The following ACTN1 variants were observed in gnomAD, a reference collection of about 807,000 sequenced individuals.
ACTN1 encodes actinin alpha 1.
A neutral mutation model predicts 119.6 loss-of-function variants in ACTN1; 30 were observed. That is an observed-to-expected ratio of 0.25 (90% CI 0.19 to 0.34). The LOEUF is 0.34. ACTN1 is among the 10% of genes least tolerant of loss of function. The pLI is 1.00. For missense variants in ACTN1, 764 were observed against 1,223.4 expected, an observed-to-expected ratio of 0.62 and a Z score of 5.60; for synonymous variants, 429 against 472.6, an observed-to-expected ratio of 0.91 and a Z score of 1.20.
intron 1 of ACTN1, among the ~76,000 whole-genome samples, chr14:68,973,619 G>A (rs1009737596): frequency 2.6e-5 from 4 of 152,182 alleles, no homozygotes; most frequent in African/African-American, 9.7e-5. Flanking sequence ...CAGAAACCTT[G>A]GTCATGCATG....
At chr14:68,932,239 A>G (rs1318056069) in intron 1 of ACTN1, among the ~76,000 whole-genome samples, 1 of 151,612 alleles carries the variant, frequency 6.6e-6, no homozygotes, top group Non-Finnish European at 1.5e-5. Context: ...CCAGAATAAA[A>G]GCAAGCAGAA....
At chr14:68,959,784 A>G (rs927068537) in intron 1 of ACTN1, among the ~76,000 whole-genome samples, 2 of 152,196 alleles carry the variant, frequency 1.3e-5, no homozygotes, top group Non-Finnish European at 2.9e-5. Context: ...TATTTCTAAT[A>G]ATCCTACAGT....
At chr14:68,932,168 C>T (rs1484682655) in intron 1 of ACTN1, among the ~76,000 whole-genome samples, 2 of 151,794 alleles carry the variant, frequency 1.3e-5, no homozygotes, top group Non-Finnish European at 2.9e-5. Flanking sequence ...AATCAGTGGA[C>T]TGGGAAAGGC....
chr14:68,879,060 C>T lies in ACTN1; in HGVS notation c.2290G>A (p.Gly764Ser), dbSNP rs1471335464. 8 of 1,608,966 alleles carry T rather than the reference C, an allele frequency of 5.0e-6. No homozygotes were observed. The highest frequency in any genetic ancestry group is 1.3e-5 in the African/African-American group (1 of 74,622). ...TTGAACTCCTCGGGACCCAGTGTGCCGGAGTGATCCTGGGGCCGCGGTGCG... is the reference window on the plus strand; with the variant it reads ...TTGAACTCCTCGGGACCCAGTGTGCTGGAGTGATCCTGGGGCCGCGGTGCG... ...SFNHFDRDHS[G>S]TLGPEEFKAC... Residue 764 changes from glycine to serine, a missense_variant, in exon 19 of 22, where the codon GGC becomes AGC. Physicochemically the swap from Gly to Ser is moderately conservative, Grantham distance 56. Coordinates refer to ENST00000394419, the MANE Select transcript of ACTN1 (RefSeq NM_001130004.2). This position sits in a 1 kb window ranked among gnomAD's most constrained non-coding sequence, Gnocchi z 4.9.
chr14:68,934,087 G>A (rs866055035), intron 1 of ACTN1, among the ~76,000 whole-genome samples: 1 of 152,178 alleles, frequency 6.6e-6, no homozygotes, highest in Non-Finnish European at 1.5e-5. Context: ...AATGTCAGCA[G>A]GCTAAATGTG....
intron 1 of ACTN1, among the ~76,000 whole-genome samples, chr14:68,969,358 C>A (rs1257488771): frequency 6.6e-6 from 1 of 152,204 alleles, no homozygotes. Flanking sequence ...CATTTCCCTG[C>A]CTCCAGGAAA....
chr14:68,908,407 A>AC (rs1373537396), intron 6 of ACTN1, among the ~76,000 whole-genome samples: 5 of 152,124 alleles, frequency 3.3e-5, no homozygotes, highest in African/African-American at 1.2e-4. Context: ...CAAGAGCTAC[A>AC]CTGAACACTG....
intron 1 of ACTN1, among the ~76,000 whole-genome samples, chr14:68,955,179 G>C (rs543613830): frequency 1.3e-5 from 2 of 152,320 alleles, no homozygotes; most frequent in Non-Finnish European, 2.9e-5. Context: ...GCAGCCAGAG[G>C]GTTTCTTGAC....
At chr14:68,906,911 G>A (rs2033696120) in intron 6 of ACTN1, among the ~76,000 whole-genome samples, 1 of 151,388 alleles carries the variant, frequency 6.6e-6, no homozygotes, top group Non-Finnish European at 1.5e-5. Context: ...TCACATTGAG[G>A]CCAGAAGTTC....
chr14:68,977,800 T>TCCCCCCC (rs35512297), intron 1 of ACTN1: 10 of 346,108 alleles, frequency 2.9e-5, no homozygotes, highest in East Asian at 1.9e-4. Flanking sequence ...CGCCATCCTG[T>TCCCCCCC]CCCCCCCCCA....
intron 1 of ACTN1, among the ~76,000 whole-genome samples, chr14:68,962,775 C>T (rs867926576): frequency 6.2e-4 from 95 of 152,352 alleles, no homozygotes; most frequent in African/African-American, 2.1e-3. Context: ...CCAGGTCAAT[C>T]AAATAGTCCT....
chr14:68,909,895 T>C lies in ACTN1; in HGVS notation c.515+60A>G. The stretch of plus-strand genomic sequence containing the variant: ...TGAGACTGACCCAGCCAAGGGGGTC[T>C]GGGAGCTCCCGGGGGAGGCAGCCTG... On this transcript the variant is annotated intron_variant, in intron 5 of 21. Transcript: ENST00000394419. The surrounding 1 kb of genome is among the most constrained non-coding windows in gnomAD (Gnocchi z 4.1). The C allele has an allele frequency of 6.7e-7, 1 of 1,485,994 alleles. No individual in the cohort carries two copies. The highest frequency in any genetic ancestry group is 9.4e-7 in the Non-Finnish European group (1 of 1,067,728). The allele number at this position is 1,485,994 out of a possible 1,614,324, so 92.1% of individuals were successfully genotyped here.
chr14:68,949,924 A>G (rs554146476), intron 1 of ACTN1, among the ~76,000 whole-genome samples: 1 of 152,328 alleles, frequency 6.6e-6, no homozygotes, highest in South Asian at 2.1e-4. Flanking sequence ...AGAGGCAGAA[A>G]GTAGAATGGA....
chr14:68,974,579 G>A (rs1019354996), intron 1 of ACTN1, among the ~76,000 whole-genome samples: 5 of 146,846 alleles, frequency 3.4e-5, no homozygotes, highest in Non-Finnish European at 6.1e-5. Flanking sequence ...CACACACGTG[G>A]CTGAAATGCC....
intron 1 of ACTN1, among the ~76,000 whole-genome samples, chr14:68,935,779 C>T (rs562309813): frequency 6.6e-6 from 1 of 152,286 alleles, no homozygotes; most frequent in South Asian, 2.1e-4. Flanking sequence ...GACAAAGGTG[C>T]TTTTTCCATT....
At chr14:68,932,899 T>A (rs1390257674) in intron 1 of ACTN1, among the ~76,000 whole-genome samples, 1 of 152,118 alleles carries the variant, frequency 6.6e-6, no homozygotes, top group Admixed American at 6.5e-5. Flanking sequence ...CAGTTCCTCA[T>A]CTGGAGGAGA....
intron 11 of ACTN1, among the ~76,000 whole-genome samples, chr14:68,889,571 G>C (rs777239217): frequency 2.0e-5 from 3 of 152,214 alleles, no homozygotes; most frequent in Non-Finnish European, 4.4e-5. Flanking sequence ...GAAGCAGATG[G>C]ATCACCTGAG....
chr14:68,888,142 T>A, intron 11 of ACTN1: 1 of 563,834 alleles, frequency 1.8e-6, no homozygotes, highest in Non-Finnish European at 3.3e-6. Context: ...GCTGACAGCC[T>A]TTGCGAAACT....
At chr14:68,959,209 T>C (rs2036448439) in intron 1 of ACTN1, among the ~76,000 whole-genome samples, 1 of 152,206 alleles carries the variant, frequency 6.6e-6, no homozygotes, top group Admixed American at 6.5e-5. Context: ...CTCAAAGGAC[T>C]TGTGCCTCTC....
Sources: gnomAD v4.1 joint callset for allele counts (sites outside exome capture counted in the v4.1 genomes callset) on GRCh38, gnomAD v4.1.1 for gene constraint, Gnocchi (gnomAD v3.1) non-coding constraint, MANE v1.5 for transcripts, NCBI Gene and HGNC (gene_info 2026-07-23, HGNC 2026-07-21) for gene names.